LYPD1: variants seen among roughly 807,000 people sequenced by gnomAD.
LYPD1 encodes the protein ly6/PLAUR domain-containing protein 1.
LYPD1 carries 14 observed loss-of-function variants against 14.2 expected under a neutral mutation model. That is an observed-to-expected ratio of 0.99 (90% CI 0.65 to 1.54). LYPD1 has a LOEUF of 1.54. LYPD1 is among the 40% of genes most tolerant of loss of function. LYPD1 has a pLI of 0.00. For synonymous variants in LYPD1, 85 were observed against 70.6 expected, an observed-to-expected ratio of 1.20 and a Z score of -1.02; for missense variants, 165 against 175.7, an observed-to-expected ratio of 0.94 and a Z score of 0.34.
intron 2 of LYPD1, chr2:132,646,513 C>CCAATACCTGTGAATACCTGTTAA: frequency 2.6e-6 from 1 of 391,016 alleles, no homozygotes; most frequent in Non-Finnish European, 4.5e-6. Flanking sequence ...ATTTGAGATG[C>CCAATACCTGTGAATACCTGTTAA]CAATACCTGT....
At chr2:132,657,793 C>T (rs1682687162) in intron 2 of LYPD1, among the ~76,000 whole-genome samples, 1 of 152,122 alleles carries the variant, frequency 6.6e-6, no homozygotes, top group Non-Finnish European at 1.5e-5. Flanking sequence ...TTTGACTATA[C>T]ATTTCAGCGT....
At chr2:132,655,514 A>ATTTTTTTTTTTTTTTTTTTTTTTTTTT in intron 2 of LYPD1, among the ~76,000 whole-genome samples, 1 of 99,494 alleles carries the variant, frequency 1.0e-5, no homozygotes, top group Non-Finnish European at 1.8e-5. Flanking sequence ...GTTGAGAAGC[A>ATTTTTTTTTTTTTTTTTTTTTTTTTTT]TTTTTTTTTT....
rs1683577749 is a variant in LYPD1, at chr2:132,670,050, C to A, written c.-118G>T. On this transcript the variant is annotated 5_prime_UTR_variant, in exon 1 of 3. Coordinates refer to ENST00000397463, the MANE Select transcript of LYPD1 (RefSeq NM_144586.7). The surrounding 1 kb of genome is among the most constrained non-coding windows in gnomAD (Gnocchi z 4.5). ...AGGCTGCTGGGGCCCGCGCTGCTGC[C>A]GCGGAGACGACGGTCGTAGCTTAGA... 2 of 1,536,988 alleles carry A rather than the reference C, an allele frequency of 1.3e-6. No individual in the cohort carries two copies. Among genetic ancestry groups the A allele is most frequent in the Non-Finnish European group, 1.7e-6 (2 of 1,151,414 alleles).
At position 132,646,299 on chromosome 2, in the gene LYPD1, G is replaced by A. The variant is rs767139365; in HGVS notation, c.191-19C>T. ...ATGATCCCTGTAACACAGACCCAAA[G>A]GAGCTGAGTTAACGTGCACCGGCAA... On this transcript the variant is annotated intron_variant, in intron 2 of 2. Transcript: ENST00000397463. 4.9e-6 allele frequency: 7 copies of A among 1,431,082 alleles called. No individual in the cohort carries two copies. Among genetic ancestry groups the A allele is most frequent in the Non-Finnish European group, 5.5e-6 (6 of 1,082,226 alleles). 88.6% of individuals were successfully genotyped at this position (1,431,082 alleles called of 1,614,324 possible). A position where few individuals can be genotyped will look rare whatever the true frequency, so the allele number is the denominator to read the frequency against.
intron 2 of LYPD1, among the ~76,000 whole-genome samples, chr2:132,668,189 A>G (rs1683391254): frequency 6.8e-6 from 1 of 148,054 alleles, no homozygotes; most frequent in Non-Finnish European, 1.5e-5. Context: ...CCCTCCCAAG[A>G]CCCTTGGGGA....
Position 132,645,111 on chromosome 2 carries a change from T to G in LYPD1, c.*934A>C. On this transcript the variant is annotated 3_prime_UTR_variant, in exon 3 of 3. Transcript: ENST00000397463. ...CTCGTGTCTGCCCAGGGCTGATTGT[T>G]GTGACATTGGCCGTATGCTGGATGC... is the stretch of plus-strand genomic sequence containing the variant. 6.2e-7 allele frequency: 1 copy of G among 1,612,408 alleles called. No homozygotes were observed.
At chr2:132,662,178 A>G (rs1682986699) in intron 2 of LYPD1, among the ~76,000 whole-genome samples, 1 of 152,224 alleles carries the variant, frequency 6.6e-6, no homozygotes, top group Non-Finnish European at 1.5e-5. Flanking sequence ...GTACTATAAT[A>G]TCTGGGCCAC....
Position 132,646,204 on chromosome 2 carries a change from G to T in LYPD1, c.267C>A (p.Ser89=). Residue 89 remains serine, a synonymous_variant, in exon 3 of 3, where the codon TCC becomes TCA. Transcript: ENST00000397463. ...IASAGYQSFC[S]PGKLNSVCIS... ...TGCAAACTGAGTTCAGTTTCCCTGGGGAGCAGAAGGACTGGTACCCGGCAG... is the reference window on the plus strand; with the variant it reads ...TGCAAACTGAGTTCAGTTTCCCTGGTGAGCAGAAGGACTGGTACCCGGCAG... 1.2e-6 allele frequency: 2 copies of T among 1,606,956 alleles called. No individual in the cohort carries two copies. Among genetic ancestry groups the T allele is most frequent in the Non-Finnish European group, 1.7e-6 (2 of 1,175,998 alleles).
chr2:132,668,213 TTAACTC>T (rs140741), intron 2 of LYPD1, among the ~76,000 whole-genome samples, 181 bp downstream of exon 2: 74,314 of 151,436 alleles, frequency 0.49, 19,533 homozygotes, highest in East Asian at 0.65. Context: ...GCCTTGGTAA[TTAACTC>T]TAATGAGATT....
At chr2:132,647,109 G>T (rs1682139022) in intron 2 of LYPD1, among the ~76,000 whole-genome samples, 1 of 152,136 alleles carries the variant, frequency 6.6e-6, no homozygotes, top group Non-Finnish European at 1.5e-5. Flanking sequence ...TTATTTAAGG[G>T]CTTCCCTGTC....
At position 132,668,454 on chromosome 2, in the gene LYPD1, A is replaced by G; in HGVS notation, c.136T>C (p.Cys46Arg). ...CACATGTCTTGAACGTTCACCGTGCAATTCACAATGAACTCGGGGGAGGAG... is the reference window on the plus strand; with the variant it reads ...CACATGTCTTGAACGTTCACCGTGCGATTCACAATGAACTCGGGGGAGGAG... ...DCSSPEFIVN[C>R]TVNVQDMCQK... Residue 46 changes from cysteine (C) to arginine (R), a missense_variant, in exon 2 of 3, where the codon TGC becomes CGC. Physicochemically the swap from Cys to Arg is radical, Grantham distance 180 (BLOSUM62 -3). Transcript: ENST00000397463. The G allele has an allele frequency of 6.2e-7, 1 of 1,610,972 alleles. No individual in the cohort carries two copies. The highest frequency in any genetic ancestry group is 8.5e-7 in the Non-Finnish European group (1 of 1,178,620).
chr2:132,650,314 CTG>C (rs1353027587), intron 2 of LYPD1, among the ~76,000 whole-genome samples: 2 of 152,268 alleles, frequency 1.3e-5, no homozygotes, highest in Middle Eastern at 3.4e-3. Context: ...ATTATAAACA[CTG>C]TGTTCATGAA....
chr2:132,665,132 C>T (rs1683195828), intron 2 of LYPD1, among the ~76,000 whole-genome samples: 2 of 152,156 alleles, frequency 1.3e-5, no homozygotes, highest in Non-Finnish European at 2.9e-5. Flanking sequence ...AGCAATGTCA[C>T]TCTGGGGAAT....
chr2:132,658,824 T>G (rs1456233394), intron 2 of LYPD1, among the ~76,000 whole-genome samples: 1 of 152,140 alleles, frequency 6.6e-6, no homozygotes, highest in African/African-American at 2.4e-5. Context: ...GTGGGGGGAT[T>G]TTCCTTCTTC....
At chr2:132,646,556 CTTATTTACATT>C (rs1351330435) in intron 2 of LYPD1, 1 of 335,458 alleles carries the variant, frequency 3.0e-6, no homozygotes, top group Admixed American at 4.8e-5. Context: ...GTTAAATAGA[CTTATTTACATT>C]TTAAGTCAGA....
chr2:132,646,473 A>ATTAG, intron 2 of LYPD1, 193 bp from the exon 3 acceptor site: 1 of 406,506 alleles, frequency 2.5e-6, no homozygotes, highest in Non-Finnish European at 4.3e-6. Flanking sequence ...GCACTATTTC[A>ATTAG]TTAGTTTTAA....
At chr2:132,664,171 C>T (rs1045293482) in intron 2 of LYPD1, among the ~76,000 whole-genome samples, 2 of 152,100 alleles carry the variant, frequency 1.3e-5, no homozygotes, top group Non-Finnish European at 2.9e-5. Flanking sequence ...ATTAGCAGCA[C>T]TGGGCCTCAT....
chr2:132,668,008 C>G (rs991141390), intron 2 of LYPD1, among the ~76,000 whole-genome samples: 2 of 152,056 alleles, frequency 1.3e-5, no homozygotes, highest in African/African-American at 4.8e-5. Context: ...GCTCTGACCT[C>G]TGGGAGCTTC....
rs1321048863 is a variant in LYPD1 at position 132,645,984 on chromosome 2, T to TG, written c.*60dup. 2.7e-5 allele frequency: 33 copies of TG among 1,235,446 alleles called. No homozygotes were observed. The highest frequency in any genetic ancestry group is 6.2e-5 in the African/African-American group (4 of 64,200). 76.5% of individuals were successfully genotyped at this position (1,235,446 alleles called of 1,614,324 possible). On this transcript the variant is annotated 3_prime_UTR_variant, in exon 3 of 3. Coordinates refer to ENST00000397463, the MANE Select transcript of LYPD1 (RefSeq NM_144586.7). The stretch of plus-strand genomic sequence containing the variant: ...CCCAGAAGAAACTCACTCAGGGAGG[T>TG]GGGGGGTTGGGGGCGAGGGCTGGAA...
Sources: gnomAD v4.1 joint callset for allele counts (sites outside exome capture counted in the v4.1 genomes callset) on GRCh38, gnomAD v4.1.1 for gene constraint, Gnocchi (gnomAD v3.1) non-coding constraint, MANE v1.5 for transcripts, NCBI Gene and HGNC (gene_info 2026-07-23, HGNC 2026-07-21) for gene names.